Variants in XKR9 observed in about 807,000 individuals in gnomAD.
The protein encoded by XKR9 is XK related 9, also known as XK-related protein 9.
Under a neutral mutation model 32.0 loss-of-function variants are expected in XKR9, and 32 were observed. That is an observed-to-expected ratio of 1.00 (90% CI 0.76 to 1.34). The LOEUF (loss-of-function observed/expected upper bound fraction) is 1.34, where lower values mean the gene tolerates loss of function less well. XKR9 is among the 40% of genes most tolerant of loss of function. The pLI is 0.00. For missense variants in XKR9, 546 were observed against 429.7 expected (o/e 1.27, Z -2.39); for synonymous variants, 168 against 143.4 (o/e 1.17, Z -1.22).
the XKR9 span, among the ~76,000 whole-genome samples, chr8:70,809,593 C>A: frequency 3.3e-5 from 5 of 152,134 alleles, no homozygotes; most frequent in Non-Finnish European, 7.4e-5. Context: ...GCAGAGAAGT[C>A]CTTAAAGGAC....
intron 2 of XKR9, among the ~76,000 whole-genome samples, chr8:70,748,516 C>T (rs928142793): frequency 4.6e-5 from 7 of 152,226 alleles, no homozygotes; most frequent in African/African-American, 1.7e-4. Flanking sequence ...ACCTTGGCTC[C>T]CTCTAGACTT....
chr8:70,887,476 C>T, the XKR9 span, among the ~76,000 whole-genome samples: 1 of 151,974 alleles, frequency 6.6e-6, no homozygotes, highest in African/African-American at 2.4e-5. Flanking sequence ...TCAATGGTAG[C>T]TTGATGGGAA....
chr8:70,673,875 A>T (rs1020127120), intron 1 of XKR9, among the ~76,000 whole-genome samples: 1 of 152,228 alleles, frequency 6.6e-6, no homozygotes, highest in Non-Finnish European at 1.5e-5. Context: ...CGTTCTGTTC[A>T]GTTACACTTA....
At chr8:70,799,546 G>T in the XKR9 span, among the ~76,000 whole-genome samples, 1 of 152,022 alleles carries the variant, frequency 6.6e-6, no homozygotes, top group Non-Finnish European at 1.5e-5. Flanking sequence ...TGCCCAGGGT[G>T]GTCATGAACT....
At chr8:70,877,612 A>C in the XKR9 span, among the ~76,000 whole-genome samples, 1 of 152,222 alleles carries the variant, frequency 6.6e-6, no homozygotes, top group Admixed American at 6.5e-5. Flanking sequence ...AGGTTAAAGA[A>C]AAAAGAGTAA....
At chr8:70,964,093 C>T in the XKR9 span, among the ~76,000 whole-genome samples, 2 of 152,184 alleles carry the variant, frequency 1.3e-5, no homozygotes, top group African/African-American at 4.8e-5. Flanking sequence ...TTTTTACAGT[C>T]TTGGGTTTTA....
At chr8:70,781,618 A>G (rs775358763) in intron 2 of XKR9, among the ~76,000 whole-genome samples, 4 of 148,666 alleles carry the variant, frequency 2.7e-5, no homozygotes, top group Admixed American at 6.7e-5. Context: ...TGTCTTTTTG[A>G]TAATAGCCAT....
chr8:70,748,722 C>T (rs755915521), intron 2 of XKR9, among the ~76,000 whole-genome samples: 2 of 152,186 alleles, frequency 1.3e-5, no homozygotes, highest in East Asian at 1.9e-4. Context: ...CAGCCTGAAG[C>T]CTGGAGGCCA....
intron 2 of XKR9, among the ~76,000 whole-genome samples, chr8:70,756,761 A>G (rs1807231932): frequency 6.6e-6 from 1 of 152,182 alleles, no homozygotes; most frequent in Non-Finnish European, 1.5e-5. Flanking sequence ...GGCTACTTTA[A>G]GATTTCTACA....
intron 4 of XKR9, among the ~76,000 whole-genome samples, chr8:70,710,784 GACTT>G (rs1312354414): frequency 2.0e-5 from 3 of 152,100 alleles, no homozygotes; most frequent in South Asian, 2.1e-4. Context: ...TGACAGGTGT[GACTT>G]AATTAAACTA....
the XKR9 span, among the ~76,000 whole-genome samples, chr8:70,916,075 G>C: frequency 8.6e-4 from 131 of 152,174 alleles, no homozygotes; most frequent in African/African-American, 2.6e-3. Context: ...CTCTGCCAGA[G>C]CCCAGAGAAA....
the XKR9 span, among the ~76,000 whole-genome samples, chr8:70,955,780 G>C: frequency 6.6e-6 from 1 of 152,212 alleles, no homozygotes; most frequent in African/African-American, 2.4e-5. Context: ...ATGTGTGAGC[G>C]AGTGAGCATG....
chr8:71,012,435 T>A, the XKR9 span, among the ~76,000 whole-genome samples: 1 of 152,160 alleles, frequency 6.6e-6, no homozygotes, highest in Admixed American at 6.5e-5. Flanking sequence ...AGTGCACCAT[T>A]AACTTAACTG....
the XKR9 span, among the ~76,000 whole-genome samples, chr8:71,062,812 T>C: frequency 2.0e-5 from 3 of 152,194 alleles, no homozygotes; most frequent in Non-Finnish European, 4.4e-5. Flanking sequence ...TAATACCTTT[T>C]TTAAGAAACA....
chr8:70,685,567 A>G (rs1358846690), intron 3 of XKR9, among the ~76,000 whole-genome samples: 1 of 151,552 alleles, frequency 6.6e-6, no homozygotes, highest in Non-Finnish European at 1.5e-5. Flanking sequence ...AAAAATGATG[A>G]GTTCATGTCC....
chr8:70,915,942 A>G, the XKR9 span, among the ~76,000 whole-genome samples: 1 of 152,290 alleles, frequency 6.6e-6, no homozygotes, highest in African/African-American at 2.4e-5. Flanking sequence ...ACAAGCTAAC[A>G]TCTATTCTTT....
the XKR9 span, among the ~76,000 whole-genome samples, chr8:70,976,658 G>C: frequency 6.6e-6 from 1 of 152,138 alleles, no homozygotes; most frequent in Non-Finnish European, 1.5e-5. Context: ...ATGTTCAACA[G>C]GGATATTGGT....
rs1181051785 is a variant in XKR9 at position 70,718,190 on chromosome 8, T to C, written c.493+11037T>C. On this transcript the variant is annotated intron_variant, in intron 4 of 4. Coordinates refer to ENST00000408926, the MANE Select transcript of XKR9 (RefSeq NM_001011720.2). ...ACTATCCCACATTTTCCTATCTTCTTCAGAGCCCTCCAGACTGTTCCAACC... is the reference window on the plus strand; with the variant it reads ...ACTATCCCACATTTTCCTATCTTCTCCAGAGCCCTCCAGACTGTTCCAACC... 1.3e-5 allele frequency among the ~76,000 whole-genome samples: 2 copies of C among 152,198 alleles called. 1 individual carries two copies.
In XKR9 at chr8:70,734,182, A is replaced by T. The variant is rs1206458971; in HGVS notation, c.880A>T (p.Arg294Trp). The T allele has an allele frequency of 6.2e-7, 1 of 1,613,416 alleles. No homozygotes were observed. The highest frequency in any genetic ancestry group is 1.1e-5 in the South Asian group (1 of 91,042). ...KCPMSCYYIV[R>W]VLGTLGILTV... ...TCCAATGTCTTGTTATTATATTGTT[A>T]GGGTACTGGGCACTTTGGGGATATT... The change falls in exon 5 of 5, where the codon AGG becomes TGG. Residue 294 changes from arginine (R) to tryptophan (W), a missense_variant. Coordinates refer to ENST00000408926, the MANE Select transcript of XKR9 (RefSeq NM_001011720.2).
Sources: allele counts gnomAD v4.1 joint callset (sites outside exome capture counted in the v4.1 genomes callset), GRCh38; gene constraint gnomAD v4.1.1; transcripts MANE v1.5; gene names NCBI Gene and HGNC (gene_info 2026-07-23, HGNC 2026-07-21).